Variants in CHRNA3 observed in about 807,000 individuals in gnomAD.
CHRNA3 encodes the protein neuronal acetylcholine receptor subunit alpha-3.
Under a neutral mutation model 41.9 loss-of-function variants are expected in CHRNA3, and 34 were observed. The ratio of observed to expected loss-of-function variants is 0.81; its 90% CI spans 0.62 to 1.08. The LOEUF is 1.08. Among genes scored for constraint, CHRNA3 ranks in the 50% least tolerant of loss-of-function variants. The pLI is 0.00. For synonymous variants in CHRNA3, 281 were observed against 265.2 expected (o/e 1.06, Z -0.58); for missense variants, 542 against 638.3 (o/e 0.85, Z 1.63).
At chr15:78,606,492 G>T (rs1201454924) in intron 4 of CHRNA3, among the ~76,000 whole-genome samples, 1 of 151,946 alleles carries the variant, frequency 6.6e-6, no homozygotes, top group Non-Finnish European at 1.5e-5. Flanking sequence ...AATTGTGAAA[G>T]AACAGAAATC....
At chr15:78,594,709 A>G (rs1191376905), downstream of CHRNA3, 1 of 152,240 alleles carries the variant, frequency 6.6e-6, no homozygotes, top group Non-Finnish European at 1.5e-5. Context: ...ATTCTGTGAG[A>G]AAACAATCTT....
chr15:78,610,144 C>G (rs2053360121), intron 4 of CHRNA3, among the ~76,000 whole-genome samples: 1 of 152,186 alleles, frequency 6.6e-6, no homozygotes. Flanking sequence ...TTCAACACCC[C>G]ACTGTCAACA....
intron 4 of CHRNA3, among the ~76,000 whole-genome samples, chr15:78,609,716 T>A: frequency 6.6e-6 from 1 of 152,074 alleles, no homozygotes; most frequent in Non-Finnish European, 1.5e-5. Context: ...AGGACCAAAT[T>A]CACACATAAC....
At chr15:78,600,729 A>G (rs974516690) in intron 5 of CHRNA3, among the ~76,000 whole-genome samples, 4 of 151,998 alleles carry the variant, frequency 2.6e-5, no homozygotes, top group African/African-American at 4.8e-5. Flanking sequence ...AAATTAGGGT[A>G]TGGTGGCGGG....
At position 78,617,156 on chromosome 15, in the gene CHRNA3, GAGA is replaced by G. The variant is rs778024498; in HGVS notation, c.268-26_268-24del. ...GATCTCGGGGAAGGAAGCAGGGAGG[GAGA>G]AGGAGACGGTAAAAGAATCAGCCTG... On this transcript the variant is annotated intron_variant, in intron 3 of 5. Coordinates refer to ENST00000326828, the MANE Select transcript of CHRNA3 (RefSeq NM_000743.5). The G allele has an allele frequency of 5.0e-5, 76 of 1,508,766 alleles. No individual in the cohort carries two copies. In the African/African-American group the frequency reaches 9.2e-4, roughly 18 times the overall value. 93.5% of individuals were successfully genotyped at this position (1,508,766 alleles called of 1,614,324 possible).
intron 1 of CHRNA3, chr15:78,619,606 T>TCCCGTGATCTCGTGTGACC (rs2053518664): frequency 6.6e-6 from 1 of 151,654 alleles, no homozygotes; most frequent in Non-Finnish European, 1.5e-5. Context: ...ACTGTGTGAC[T>TCCCGTGATCTCGTGTGACC]CCCGTGATCT....
At position 78,608,231 on chromosome 15, in the gene CHRNA3, G is replaced by A. The variant is rs57303942; in HGVS notation, c.378-5967C>T. Among the ~76,000 whole-genome samples the A allele has an allele frequency of 1.3e-3, 200 of 152,342 alleles. 1 individual carries two copies. Among genetic ancestry groups the A allele is most frequent in the African/African-American group, 4.6e-3 (191 of 41,574 alleles). ...AGGAGAGTAATGGTTCTCCCAGCACGCAGCTGGAAATCTGAGAACGGGCAG... is the reference window on the plus strand; with the variant it reads ...AGGAGAGTAATGGTTCTCCCAGCACACAGCTGGAAATCTGAGAACGGGCAG... On this transcript the variant is annotated intron_variant, in intron 4 of 5. Coordinates refer to ENST00000326828, the MANE Select transcript of CHRNA3 (RefSeq NM_000743.5).
intron 4 of CHRNA3, among the ~76,000 whole-genome samples, chr15:78,603,530 G>A (rs1166556186): frequency 6.6e-6 from 1 of 152,218 alleles, no homozygotes; most frequent in African/African-American, 2.4e-5. Context: ...GCCTTGTGAA[G>A]GCATTTACAT....
At chr15:78,596,811 C>CA (rs2053120372) in intron 5 of CHRNA3, 79 bp from the exon 6 acceptor site, 1 of 1,506,862 alleles carries the variant, frequency 6.6e-7, no homozygotes, top group Non-Finnish European at 8.8e-7. Flanking sequence ...AAGATGTAAT[C>CA]AACACGTTGC....
intron 4 of CHRNA3, among the ~76,000 whole-genome samples, chr15:78,604,882 G>A (rs554774602): frequency 4.6e-5 from 7 of 152,092 alleles, no homozygotes; most frequent in Admixed American, 6.5e-5. Flanking sequence ...GTGTGGTGGT[G>A]CACACCTGTA....
intron 1 of CHRNA3, 47 bp downstream of exon 1, chr15:78,620,666 C>T: frequency 4.7e-6 from 7 of 1,497,072 alleles, no homozygotes; most frequent in Non-Finnish European, 5.3e-6. Flanking sequence ...CCCCGCGCCC[C>T]TTCTCGGGCG....
chr15:78,602,345 CAGTA>C lies in CHRNA3; in HGVS notation c.378-85_378-82del, dbSNP rs1396955361. 16 of 1,427,550 alleles carry C rather than the reference CAGTA, an allele frequency of 1.1e-5. No individual in the cohort carries two copies. In the Admixed American group the frequency reaches 2.0e-4, roughly 18 times the overall value. The allele number at this position is 1,427,550 out of a possible 1,614,324, so 88.4% of individuals were successfully genotyped here. ...TGTGGTCATCTCAACCAGCTTCTCA[CAGTA>C]AGTAATGATTTGGAAGGCACTGGAA... On this transcript the variant is annotated intron_variant, in intron 4 of 5. Transcript: ENST00000326828.
At chr15:78,615,308 T>C (rs922432291) in intron 4 of CHRNA3, among the ~76,000 whole-genome samples, 10 of 152,140 alleles carry the variant, frequency 6.6e-5, no homozygotes, top group African/African-American at 2.4e-4. Flanking sequence ...GATGGCAGGT[T>C]TGCTGTTGGG....
chr15:78,599,566 C>T (rs1367502469), intron 5 of CHRNA3, among the ~76,000 whole-genome samples: 1 of 151,294 alleles, frequency 6.6e-6, no homozygotes, highest in Admixed American at 6.6e-5. Flanking sequence ...CCCTCACAAG[C>T]CCAGCAGAGC....
downstream of CHRNA3, chr15:78,594,550 C>G (rs56255741): frequency 6.6e-6 from 1 of 152,180 alleles, no homozygotes; most frequent in Non-Finnish European, 1.5e-5. Flanking sequence ...TGGTAGCAGG[C>G]GCCTGTAGTC....
intron 5 of CHRNA3, among the ~76,000 whole-genome samples, chr15:78,599,549 AG>A (rs1411001439): frequency 1.3e-5 from 2 of 151,392 alleles, no homozygotes; most frequent in African/African-American, 4.9e-5. Context: ...ATGCAGGTTC[AG>A]GGGGTCCCTC....
In CHRNA3 at chr15:78,596,807, T is replaced by C. The variant is rs1201956536; in HGVS notation, c.1390-75A>G. On this transcript the variant is annotated intron_variant, in intron 5 of 5. Transcript: ENST00000326828. ...GAATACATTTTCAATACTGAAGATG[T>C]AATCAACACGTTGCAGTAGAAGCCA... 4 of 1,519,228 alleles carry C rather than the reference T, an allele frequency of 2.6e-6. No homozygotes were observed. In the South Asian group the frequency reaches 4.0e-5, roughly 15 times the overall value. The allele number at this position is 1,519,228 out of a possible 1,614,324, so 94.1% of individuals were successfully genotyped here.
intron 5 of CHRNA3, among the ~76,000 whole-genome samples, chr15:78,600,551 A>G: frequency 6.6e-6 from 1 of 152,228 alleles, no homozygotes. Flanking sequence ...TACTCCACGT[A>G]AATTCTTCCT....
At chr15:78,608,146 G>C (rs1325862627) in intron 4 of CHRNA3, among the ~76,000 whole-genome samples, 1 of 152,226 alleles carries the variant, frequency 6.6e-6, no homozygotes, top group Non-Finnish European at 1.5e-5. Flanking sequence ...CTGGGGGCAG[G>C]GCACAGACAA....
Sources: allele counts gnomAD v4.1 joint callset (sites outside exome capture counted in the v4.1 genomes callset), GRCh38; gene constraint gnomAD v4.1.1; transcripts MANE v1.5; gene names NCBI Gene and HGNC (gene_info 2026-07-23, HGNC 2026-07-21).